The following AMMECR1 variants were observed in gnomAD, a reference collection of about 807,000 sequenced individuals.
AMMECR1 encodes the protein nuclear protein AMMECR1.
AMMECR1 carries 3 observed loss-of-function variants against 22.5 expected under a neutral mutation model. The observed-to-expected ratio is 0.13, with a 90% CI of 0.06 to 0.35. The LOEUF (loss-of-function observed/expected upper bound fraction) is 0.35, where lower values mean the gene tolerates loss of function less well. Among genes scored for constraint, AMMECR1 ranks in the 10% least tolerant of loss-of-function variants. AMMECR1 has a pLI of 1.00. For missense variants in AMMECR1, 235 were observed against 278.7 expected (o/e 0.84, Z 1.12); for synonymous variants, 130 against 116.7 (o/e 1.11, Z -0.74).
chrX:110,357,667 C>T (rs1357047076), intron 2 of AMMECR1, among the ~76,000 whole-genome samples: 1 of 112,432 alleles, frequency 8.9e-6, no homozygotes, highest in East Asian at 2.8e-4. Context: ...TCACTGAGTA[C>T]AGTTCTCCAA....
At chrX:110,302,796 C>T (rs1362228210) in intron 1 of AMMECR1, among the ~76,000 whole-genome samples, 4 of 110,488 alleles carry the variant, frequency 3.6e-5, no homozygotes, top group African/African-American at 1.3e-4. Context: ...ATTGCTTGAA[C>T]CCAGAAGGCA....
rs1284385065 is a variant in AMMECR1 at position 110,198,386 on chromosome X, C to T, written c.*134G>A. 9.0e-6 allele frequency: 3 copies of T among 332,884 alleles called. No homozygotes were observed. The highest frequency in any genetic ancestry group is 1.6e-5 in the Non-Finnish European group (3 of 191,136). 27.4% of individuals were successfully genotyped at this position (332,884 alleles called of 1,213,427 possible). A position where few individuals can be genotyped will look rare whatever the true frequency, so the allele number is the denominator to read the frequency against. ...CCATGATGATCTTAGTTGACGATGT[C>T]GAAGCTTCACCATGGCAACGGAAAC... On this transcript the variant is annotated 3_prime_UTR_variant, in exon 6 of 6. Coordinates refer to ENST00000262844, the MANE Select transcript of AMMECR1 (RefSeq NM_015365.3).
At chrX:110,425,056 T>C (rs905521245) in intron 2 of AMMECR1, among the ~76,000 whole-genome samples, 2 of 111,999 alleles carry the variant, frequency 1.8e-5, no homozygotes, top group African/African-American at 6.5e-5. Flanking sequence ...TATGTCAGAA[T>C]CCTCTTATAA....
At chrX:110,428,973 C>T (rs1228973976) in intron 1 of AMMECR1, among the ~76,000 whole-genome samples, 2 of 112,175 alleles carry the variant, frequency 1.8e-5, no homozygotes, top group Non-Finnish European at 3.8e-5. Flanking sequence ...AATGCACTTG[C>T]TCCTCCTTCA....
intron 2 of AMMECR1, among the ~76,000 whole-genome samples, chrX:110,402,641 G>A (rs2068573024): frequency 2.7e-5 from 3 of 112,771 alleles, no homozygotes; most frequent in African/African-American, 9.7e-5. Context: ...CTCAGAGGGA[G>A]TGGCTGGAGG....
chrX:110,296,133 G>T (rs1236254524), intron 1 of AMMECR1, among the ~76,000 whole-genome samples: 1 of 111,670 alleles, frequency 9.0e-6, no homozygotes, highest in Non-Finnish European at 1.9e-5. Context: ...TGTTTATCTG[G>T]GAATGTCCTA....
intron 2 of AMMECR1, among the ~76,000 whole-genome samples, chrX:110,341,322 C>G (rs189739588): frequency 8.9e-6 from 1 of 112,378 alleles, no homozygotes; most frequent in East Asian, 2.8e-4. Context: ...TAGCTGACTT[C>G]CACTCTGATA....
At chrX:110,356,245 TG>T (rs1275253462) in intron 2 of AMMECR1, among the ~76,000 whole-genome samples, 2 of 105,669 alleles carry the variant, frequency 1.9e-5, no homozygotes, top group African/African-American at 7.0e-5. Flanking sequence ...CTTCACCTCC[TG>T]GGTTCAAGTG....
chrX:110,328,050 A>G (rs1355876965), intron 2 of AMMECR1, among the ~76,000 whole-genome samples: 1 of 111,889 alleles, frequency 8.9e-6, no homozygotes, highest in Non-Finnish European at 1.9e-5. Context: ...AAGGGTGTTA[A>G]TTTTATAAAC....
At position 110,429,474 on chromosome X, in the gene AMMECR1, GT is replaced by G. The variant is rs768648303; in HGVS notation, c.-293-2672del. On this transcript the variant is annotated intron_variant, in intron 1 of 7. Transcript: ENST00000372057. ...AGAAAAAGTGTTTTTTTTTTTTTTT[GT>G]TTTGTTTTTTTGGTTTTTTTGTTTT... 4.7e-3 allele frequency among the ~76,000 whole-genome samples: 322 copies of G among 67,818 alleles called. 3 individuals carry two copies. Among genetic ancestry groups the G allele is most frequent in the African/African-American group, 0.032 (313 of 9,748 alleles). 58.9% of individuals were successfully genotyped at this position (67,818 alleles called of 115,157 possible). A position where few individuals can be genotyped will look rare whatever the true frequency, so the allele number is the denominator to read the frequency against.
At chrX:110,215,523 T>C (rs139600960) in intron 3 of AMMECR1, among the ~76,000 whole-genome samples, 3,188 of 111,824 alleles carry the variant, frequency 0.029, 114 homozygotes, top group African/African-American at 0.097. Context: ...TCAGTTACTA[T>C]GGGGGATGGT....
upstream of AMMECR1, among the ~76,000 whole-genome samples, chrX:110,321,382 T>A (rs1301040532): frequency 1.8e-5 from 2 of 110,995 alleles, no homozygotes; most frequent in African/African-American, 6.5e-5. Context: ...CATAGTCTCT[T>A]TGTCAACAAA....
chrX:110,212,060 A>G (rs1258886177), intron 3 of AMMECR1, among the ~76,000 whole-genome samples: 1 of 112,182 alleles, frequency 8.9e-6, no homozygotes, highest in Non-Finnish European at 1.9e-5. Flanking sequence ...CATCCCTCAC[A>G]TTATCAAACA....
intron 2 of AMMECR1, among the ~76,000 whole-genome samples, chrX:110,360,967 C>T (rs918069597): frequency 1.8e-5 from 2 of 111,611 alleles, no homozygotes; most frequent in African/African-American, 3.3e-5. Flanking sequence ...CTCCGATCTT[C>T]GTGGCTTAAT....
chrX:110,242,542 C>T (rs1464442626), intron 2 of AMMECR1, among the ~76,000 whole-genome samples: 2 of 112,019 alleles, frequency 1.8e-5, no homozygotes, highest in Non-Finnish European at 3.8e-5. Context: ...TATTTGTCAT[C>T]TCTGTATCAT....
chrX:110,212,961 T>C (rs2067455015), intron 3 of AMMECR1, among the ~76,000 whole-genome samples: 1 of 111,841 alleles, frequency 8.9e-6, no homozygotes, highest in Admixed American at 9.4e-5. Flanking sequence ...TTAACAGTAG[T>C]TATTCTCAGA....
intron 1 of AMMECR1, among the ~76,000 whole-genome samples, chrX:110,431,773 A>G (rs1439557573): frequency 9.1e-6 from 1 of 110,291 alleles, no homozygotes; most frequent in Non-Finnish European, 1.9e-5. Flanking sequence ...CTGCTAGAAA[A>G]CCCCTGGGGA....
chrX:110,352,978 T>A (rs779000116), intron 2 of AMMECR1, among the ~76,000 whole-genome samples: 2 of 112,570 alleles, frequency 1.8e-5, no homozygotes, highest in Non-Finnish European at 1.9e-5. Flanking sequence ...ATAGCATTCA[T>A]TATTCACTTA....
chrX:110,299,960 C>T (rs751472223), intron 1 of AMMECR1, among the ~76,000 whole-genome samples: 94 of 112,020 alleles, frequency 8.4e-4, no homozygotes, highest in African/African-American at 2.8e-3. Context: ...GTTATCTTGG[C>T]TACTGTGAAT....
Sources: gnomAD v4.1 joint callset for allele counts (sites outside exome capture counted in the v4.1 genomes callset) on GRCh38, gnomAD v4.1.1 for gene constraint, MANE v1.5 for transcripts, NCBI Gene and HGNC (gene_info 2026-07-23, HGNC 2026-07-21) for gene names.